The following CSMD1 variants were observed in gnomAD, a reference collection of about 807,000 sequenced individuals.
CSMD1 encodes CUB and Sushi multiple domains 1.
Under a neutral mutation model 417.5 loss-of-function variants are expected in CSMD1, and 213 were observed. The ratio of observed to expected loss-of-function variants is 0.51; its 90% CI spans 0.46 to 0.57. CSMD1 has a LOEUF of 0.57. Among genes scored for constraint, CSMD1 ranks in the 20% least tolerant of loss-of-function variants. The pLI is 0.00. For missense variants in CSMD1, 6,923 were observed against 4,529.7 expected, an observed-to-expected ratio of 1.53 and a Z score of -15.17; for synonymous variants, 2,862 against 1,736.8, an observed-to-expected ratio of 1.65 and a Z score of -16.11.
intron 3 of CSMD1, among the ~76,000 whole-genome samples, chr8:4,077,313 A>ATATG (rs1176207070): frequency 1.4e-5 from 2 of 146,694 alleles, no homozygotes; most frequent in African/African-American, 2.5e-5. Flanking sequence ...ATATATATAT[A>ATATG]TATATATATG....
chr8:3,969,701 C>A (rs541618770), intron 5 of CSMD1, among the ~76,000 whole-genome samples: 53 of 152,106 alleles, frequency 3.5e-4, no homozygotes, highest in Non-Finnish European at 6.9e-4. Context: ...GGTTCACACA[C>A]CAAAGGATGA....
chr8:3,492,647 G>C (rs188080092), intron 11 of CSMD1, among the ~76,000 whole-genome samples: 2 of 152,280 alleles, frequency 1.3e-5, no homozygotes, highest in East Asian at 1.9e-4. Context: ...AACTGTCTTT[G>C]AGGCCCTCTC....
intron 4 of CSMD1, among the ~76,000 whole-genome samples, chr8:4,011,067 C>T (rs576142451): frequency 5.3e-5 from 8 of 152,288 alleles, no homozygotes; most frequent in African/African-American, 1.9e-4. Flanking sequence ...TCACTGCCAC[C>T]TGATGACTTT....
chr8:3,257,186 G>T (rs183012506), intron 26 of CSMD1, among the ~76,000 whole-genome samples: 2 of 152,114 alleles, frequency 1.3e-5, no homozygotes, highest in Non-Finnish European at 2.9e-5. Flanking sequence ...GCTGGGTTTG[G>T]TGGTGCATCC....
chr8:4,625,644 T>TA (rs796205250), intron 2 of CSMD1, among the ~76,000 whole-genome samples: 13 of 151,000 alleles, frequency 8.6e-5, no homozygotes, highest in Non-Finnish European at 1.5e-4. Flanking sequence ...ATATTTAATC[T>TA]AAAAAAAAAT....
In CSMD1 at chr8:4,620,198, T is replaced by G. The variant is rs139507211; in HGVS notation, c.302+17144A>C. Among the ~76,000 whole-genome samples the G allele has an allele frequency of 5.3e-3, 810 of 151,758 alleles. 6 individuals carry two copies. Among genetic ancestry groups the G allele is most frequent in the Non-Finnish European group, 8.2e-3 (558 of 67,782 alleles). ...TGTTTGGTGTTCAGAAAGTAGAAAT[T>G]TAAGGTAATATGGAGAATTATTTGA... On this transcript the variant is annotated intron_variant, in intron 2 of 69. Transcript: ENST00000635120.
At chr8:3,927,060 G>C (rs1386844421) in intron 5 of CSMD1, among the ~76,000 whole-genome samples, 2 of 151,810 alleles carry the variant, frequency 1.3e-5, no homozygotes, top group African/African-American at 2.4e-5. Context: ...GTTTTTATAA[G>C]AGGTAATTTA....
chr8:3,286,057 A>G (rs541690757), intron 25 of CSMD1, among the ~76,000 whole-genome samples: 31 of 152,114 alleles, frequency 2.0e-4, no homozygotes, highest in South Asian at 1.0e-3. Context: ...ACTCCCACCT[A>G]TGAGTGAGAA....
chr8:2,984,425 T>C (rs745977552), intron 54 of CSMD1, among the ~76,000 whole-genome samples: 3 of 152,060 alleles, frequency 2.0e-5, no homozygotes, highest in Non-Finnish European at 4.4e-5. Flanking sequence ...CTTGGCTCAC[T>C]GCAACCTCCG....
At chr8:4,066,799 T>G (rs1168699828) in intron 3 of CSMD1, among the ~76,000 whole-genome samples, 2 of 152,182 alleles carry the variant, frequency 1.3e-5, no homozygotes. Flanking sequence ...AAGCTCTGCC[T>G]GTGCTCCAAA....
chr8:4,327,749 G>A (rs117091030), intron 3 of CSMD1, among the ~76,000 whole-genome samples: 2,643 of 152,286 alleles, frequency 0.017, 50 homozygotes, highest in Non-Finnish European at 0.023. Context: ...CGAAAACATT[G>A]TTACATACAT....
At chr8:4,607,528 T>C (rs969005830) in intron 2 of CSMD1, among the ~76,000 whole-genome samples, 1 of 152,142 alleles carries the variant, frequency 6.6e-6, no homozygotes, top group Admixed American at 6.5e-5. Context: ...GGATTCAACA[T>C]GGTGCTGAAT....
intron 1 of CSMD1, among the ~76,000 whole-genome samples, chr8:4,810,045 T>C (rs762456340): frequency 1.3e-5 from 2 of 152,226 alleles, no homozygotes; most frequent in South Asian, 2.1e-4. Flanking sequence ...TCAATATAAA[T>C]GTTATACAAA....
chr8:3,748,284 ATTAT>A (rs748592794), intron 6 of CSMD1, among the ~76,000 whole-genome samples: 2 of 152,202 alleles, frequency 1.3e-5, no homozygotes, highest in Admixed American at 6.5e-5. Context: ...GGTTTTAAGA[ATTAT>A]TTAAAGGTTA....
chr8:3,108,249 G>A (rs944586091), intron 44 of CSMD1, among the ~76,000 whole-genome samples: 17 of 152,098 alleles, frequency 1.1e-4, no homozygotes, highest in Non-Finnish European at 2.2e-4. Flanking sequence ...GATTATTGGA[G>A]GTTTGCTTTC....
chr8:4,165,698 C>T lies in CSMD1; in HGVS notation c.416-133599G>A, dbSNP rs181834461. Among the ~76,000 whole-genome samples, 163 of 152,278 alleles carry T rather than the reference C, an allele frequency of 1.1e-3. 1 individual carries two copies. The highest frequency in any genetic ancestry group is 3.7e-3 in the African/African-American group (154 of 41,554). On this transcript the variant is annotated intron_variant, in intron 3 of 69. Coordinates refer to ENST00000635120, the MANE Select transcript of CSMD1 (RefSeq NM_033225.6). ...AATTACAGGCGTGACCCATCACACCCGGCCCAAGTATCATTTTTATTACAA... is the reference window on the plus strand; with the variant it reads ...AATTACAGGCGTGACCCATCACACCTGGCCCAAGTATCATTTTTATTACAA...
At chr8:3,386,994 T>G (rs914648779) in intron 18 of CSMD1, among the ~76,000 whole-genome samples, 4 of 152,048 alleles carry the variant, frequency 2.6e-5, no homozygotes, top group Non-Finnish European at 5.9e-5. Flanking sequence ...ACAACAGGAG[T>G]GGCTGTTATC....
intron 52 of CSMD1, among the ~76,000 whole-genome samples, chr8:3,003,916 AT>A (rs1431754898): frequency 9.2e-5 from 14 of 152,342 alleles, no homozygotes; most frequent in Non-Finnish European, 1.8e-4. Context: ...ATGATGTCAA[AT>A]GACCCAGTTA....
At chr8:3,655,655 T>A (rs13279375) in intron 7 of CSMD1, among the ~76,000 whole-genome samples, 67,610 of 146,076 alleles carry the variant, frequency 0.46, 16,320 homozygotes, top group Middle Eastern at 0.56. Context: ...TCAATGGAGG[T>A]TGCGTTTTTT....
Sources: allele counts gnomAD v4.1 joint callset (sites outside exome capture counted in the v4.1 genomes callset), GRCh38; gene constraint gnomAD v4.1.1; transcripts MANE v1.5; gene names NCBI Gene and HGNC (gene_info 2026-07-23, HGNC 2026-07-21).